Variants in TRNAU1AP observed in about 807,000 individuals in gnomAD.
TRNAU1AP encodes tRNA selenocysteine 1 associated protein 1, also known as tRNA selenocysteine 1-associated protein 1.
TRNAU1AP carries 33 observed loss-of-function variants against 43.3 expected under a neutral mutation model. The ratio of observed to expected loss-of-function variants is 0.76; its 90% CI spans 0.58 to 1.02. The LOEUF (loss-of-function observed/expected upper bound fraction) is 1.02. TRNAU1AP is among the 50% of genes least tolerant of loss of function. The probability of loss-of-function intolerance (pLI) is 0.00; values close to 1 mark genes in which losing one functional copy is unlikely to be tolerated. For missense variants in TRNAU1AP, 290 were observed against 362.7 expected (o/e 0.80, Z 1.63); for synonymous variants, 143 against 129.1 (o/e 1.11, Z -0.73).
chr1:28,560,335 A>G (rs1206540156), intron 2 of TRNAU1AP, among the ~76,000 whole-genome samples: 1 of 148,364 alleles, frequency 6.7e-6, no homozygotes, highest in Non-Finnish European at 1.5e-5. Context: ...AGGCTGGAGC[A>G]GTGTGGCATG....
chr1:28,554,563 C>T (rs1665211127), intron 2 of TRNAU1AP, among the ~76,000 whole-genome samples: 1 of 152,006 alleles, frequency 6.6e-6, no homozygotes, highest in African/African-American at 2.4e-5. Context: ...AATAAATAGC[C>T]GGGCGCAGTG....
chr1:28,563,066 T>A (rs902202242), intron 4 of TRNAU1AP, among the ~76,000 whole-genome samples: 1 of 151,624 alleles, frequency 6.6e-6, no homozygotes, highest in African/African-American at 2.4e-5. Context: ...CAGCTAATTT[T>A]TATATTTTTA....
rs1043188645 is a variant in TRNAU1AP, at chr1:28,553,554, C to A, written c.28-86C>A. On this transcript the variant is annotated intron_variant, in intron 1 of 8. Coordinates refer to ENST00000373830, the MANE Select transcript of TRNAU1AP (RefSeq NM_017846.5). ...CGCTCCCCCAGCGGCGCGTAGCCAG[C>A]CCTGGGCTGAACGGGAGGGGCTCTG... is the stretch of plus-strand genomic sequence containing the variant. 1.8e-5 allele frequency: 24 copies of A among 1,318,348 alleles called. No individual in the cohort carries two copies. The South Asian group carries it at 2.8e-4, about 15-fold the overall frequency. The allele number at this position is 1,318,348 out of a possible 1,614,324, so 81.7% of individuals were successfully genotyped here.
At position 28,575,526 on chromosome 1, in the gene TRNAU1AP, G is replaced by A. The variant is rs192729643; in HGVS notation, c.728-1974G>A. ...TGCCCAGGCTGGAGTGCAGTGGCGC[G>A]ATCTCAGCTCACTGCAACCTCCGCC... is the stretch of plus-strand genomic sequence containing the variant. On this transcript the variant is annotated intron_variant, in intron 8 of 8. Coordinates refer to ENST00000373830, the MANE Select transcript of TRNAU1AP (RefSeq NM_017846.5). Among the ~76,000 whole-genome samples, 613 of 143,934 alleles carry A rather than the reference G, an allele frequency of 4.3e-3. 2 individuals are homozygous for A. The highest frequency in any genetic ancestry group is 0.015 in the African/African-American group (580 of 38,608). The allele number at this position is 143,934 out of a possible 152,430, so 94.4% of individuals were successfully genotyped here. A position where few individuals can be genotyped will look rare whatever the true frequency, so the allele number is the denominator to read the frequency against.
At chr1:28,566,986 C>A (rs574381344) in intron 5 of TRNAU1AP, among the ~76,000 whole-genome samples, 4 of 152,324 alleles carry the variant, frequency 2.6e-5, no homozygotes, top group Admixed American at 2.6e-4. Flanking sequence ...TACTTTCCAG[C>A]AGGGTGTCGG....
Position 28,555,819 on chromosome 1 carries a change from T to C in TRNAU1AP, c.125+2082T>C, listed in dbSNP as rs575701536. Among the ~76,000 whole-genome samples, 4 of 151,986 alleles carry C rather than the reference T, an allele frequency of 2.6e-5. No homozygotes were observed. In the East Asian group the frequency reaches 7.7e-4, roughly 29 times the overall value. On this transcript the variant is annotated intron_variant, in intron 2 of 8. Coordinates refer to ENST00000373830, the MANE Select transcript of TRNAU1AP (RefSeq NM_017846.5). ...AAAACCCCAGATAATCAGCTACTGG[T>C]ATGAAAATTCATTCTGTAACCTTTC...
In TRNAU1AP at chr1:28,577,544, A is replaced by G; in HGVS notation, c.772A>G (p.Met258Val). The change falls in exon 9 of 9, where the codon ATG becomes GTG. Residue 258 changes from methionine to valine, a missense_variant. Coordinates refer to ENST00000373830, the MANE Select transcript of TRNAU1AP (RefSeq NM_017846.5). The part of the protein sequence containing the change: ...LDVTEANKEF[M>V]EQSEELYDAL... ...TGTGACTGAGGCCAACAAGGAGTTCATGGAACAGAGTGAGGAGCTGTATGA... is the reference window on the plus strand; with the variant it reads ...TGTGACTGAGGCCAACAAGGAGTTCGTGGAACAGAGTGAGGAGCTGTATGA... 2 of 1,614,136 alleles carry G rather than the reference A, an allele frequency of 1.2e-6. No homozygotes were observed. The highest frequency in any genetic ancestry group is 1.3e-5 in the African/African-American group (1 of 75,034).
In TRNAU1AP at chr1:28,553,154, G is replaced by C; in HGVS notation, c.27+17G>C. The C allele has an allele frequency of 1.3e-6, 2 of 1,512,490 alleles. No homozygotes were observed. The highest frequency in any genetic ancestry group is 1.8e-6 in the Non-Finnish European group (2 of 1,126,620). The allele number at this position is 1,512,490 out of a possible 1,614,324, so 93.7% of individuals were successfully genotyped here. On this transcript the variant is annotated intron_variant, in intron 1 of 8. Coordinates refer to ENST00000373830, the MANE Select transcript of TRNAU1AP (RefSeq NM_017846.5). ...ATGGGCGACGTGAGTGAGGGCAGCCGTCCGGGGTCTGAAGACAAGGAAGCA... is the reference window on the plus strand; with the variant it reads ...ATGGGCGACGTGAGTGAGGGCAGCCCTCCGGGGTCTGAAGACAAGGAAGCA...
At chr1:28,554,222 A>AAAAAAAAAAAAAAAAAAC (rs1553121340) in intron 2 of TRNAU1AP, among the ~76,000 whole-genome samples, 1 of 142,736 alleles carries the variant, frequency 7.0e-6, no homozygotes, top group African/African-American at 2.9e-5. Flanking sequence ...ACAAAAAAAC[A>AAAAAAAAAAAAAAAAAAC]AAAAACGCAG....
chr1:28,571,547 C>T (rs560432871), intron 7 of TRNAU1AP, among the ~76,000 whole-genome samples: 4 of 151,898 alleles, frequency 2.6e-5, no homozygotes, highest in African/African-American at 9.7e-5. Context: ...TTTGAGAGGC[C>T]GAGGCAGGTA....
chr1:28,564,165 C>T (rs2124200035), intron 4 of TRNAU1AP, among the ~76,000 whole-genome samples: 1 of 152,180 alleles, frequency 6.6e-6, no homozygotes, highest in East Asian at 1.9e-4. Flanking sequence ...GGTCGGCAGG[C>T]TAAGGTGTGA....
Position 28,553,128 on chromosome 1 carries a change from G to A in TRNAU1AP, c.18G>A (p.Trp6Ter). Residue 6 changes from tryptophan (W) to a stop codon, truncating the protein, a stop_gained, in exon 1 of 9, where the codon TGG (tryptophan) becomes TGA (stop). Transcript: ENST00000373830. LOFTEE classifies it high-confidence loss of function. The part of the protein sequence containing the change: MAASL[W>*]MGDLEPYMDE... The stretch of plus-strand genomic sequence containing the variant: ...GCGCGGGTATGGCGGCCAGCCTGTG[G>A]ATGGGCGACGTGAGTGAGGGCAGCC... 6.6e-7 allele frequency: 1 copy of A among 1,520,768 alleles called. No homozygotes were observed. The highest frequency in any genetic ancestry group is 1.2e-5 in the South Asian group (1 of 81,898). The allele number at this position is 1,520,768 out of a possible 1,614,324, so 94.2% of individuals were successfully genotyped here. A position where few individuals can be genotyped will look rare whatever the true frequency, so the allele number is the denominator to read the frequency against.
At position 28,571,305 on chromosome 1, in the gene TRNAU1AP, C is replaced by T. The variant is rs760325984; in HGVS notation, c.660C>T (p.Tyr220=). The T allele has an allele frequency of 6.9e-5, 111 of 1,613,756 alleles. No individual in the cohort carries two copies. The highest frequency in any genetic ancestry group is 8.7e-5 in the Non-Finnish European group (103 of 1,179,854). The change falls in exon 7 of 9, where the codon TAC becomes TAT. Residue 220 remains tyrosine, a synonymous_variant. Coordinates refer to ENST00000373830, the MANE Select transcript of TRNAU1AP (RefSeq NM_017846.5). ...DQNTGSYSYS[Y]PQYGYTQSTM... ...ACACAGGCAGCTACAGCTACAGTTA[C>T]CCCCAGTATGGCTATACCCAGAGCA...
chr1:28,557,459 T>C (rs1480521638), intron 2 of TRNAU1AP, among the ~76,000 whole-genome samples: 8 of 148,794 alleles, frequency 5.4e-5, no homozygotes, highest in Non-Finnish European at 1.2e-4. Context: ...CTCTTGTTTC[T>C]TACATGTTTC....
rs375709702 is a variant in TRNAU1AP at position 28,556,828 on chromosome 1, C to T, written c.125+3091C>T. ...CTTCCTGAGTAGGTGGGACTACAGCCGTGTGCCACCACATCCAGCTAATTT... is the reference window on the plus strand; with the variant it reads ...CTTCCTGAGTAGGTGGGACTACAGCTGTGTGCCACCACATCCAGCTAATTT... On this transcript the variant is annotated intron_variant, in intron 2 of 8. Coordinates refer to ENST00000373830, the MANE Select transcript of TRNAU1AP (RefSeq NM_017846.5). Among the ~76,000 whole-genome samples, 74 of 152,138 alleles carry T rather than the reference C, an allele frequency of 4.9e-4. 1 individual carries two copies. In the East Asian group the frequency reaches 7.7e-3, roughly 16 times the overall value.
rs550241968 is a variant in TRNAU1AP, at chr1:28,576,520, T to C, written c.728-980T>C. Among the ~76,000 whole-genome samples the C allele has an allele frequency of 1.8e-4, 28 of 151,646 alleles. 1 individual carries two copies. The South Asian group carries it at 5.8e-3, about 32-fold the overall frequency. On this transcript the variant is annotated intron_variant, in intron 8 of 8. Coordinates refer to ENST00000373830, the MANE Select transcript of TRNAU1AP (RefSeq NM_017846.5). ...TTTTAGTGGAGACGGGGTTTCACCA[T>C]GTTGGCCAGGATGGTCTCGATCTCT...
At chr1:28,572,199 TTG>T (rs961079796) in intron 8 of TRNAU1AP, among the ~76,000 whole-genome samples, 2 of 151,724 alleles carry the variant, frequency 1.3e-5, no homozygotes, top group East Asian at 1.9e-4. Flanking sequence ...TACCCTTTTT[TTG>T]TGTGTGTGTG....
chr1:28,553,924 G>A, intron 2 of TRNAU1AP, 187 bp downstream of exon 2: 1 of 569,610 alleles, frequency 1.8e-6, no homozygotes, highest in Non-Finnish European at 3.1e-6. Context: ...CTTGCCAGGC[G>A]TTGTGACTCA....
chr1:28,567,600 C>T (rs899199827), intron 6 of TRNAU1AP, among the ~76,000 whole-genome samples, 187 bp downstream of exon 6: 1 of 152,128 alleles, frequency 6.6e-6, no homozygotes, highest in Admixed American at 6.6e-5. Context: ...CCCACTCCTG[C>T]AGAAACTTAG....
Sources: gnomAD v4.1 joint callset for allele counts (sites outside exome capture counted in the v4.1 genomes callset) on GRCh38, gnomAD v4.1.1 for gene constraint, MANE v1.5 for transcripts, NCBI Gene and HGNC (gene_info 2026-07-23, HGNC 2026-07-21) for gene names.